Variants in RXRG observed in about 807,000 individuals in gnomAD.
RXRG encodes retinoid X receptor gamma.
In RXRG, 19 loss-of-function variants were observed where a neutral mutation model predicts 49.2. The observed-to-expected ratio is 0.39, with a 90% CI of 0.27 to 0.57. RXRG has a LOEUF of 0.57. RXRG is among the 20% of genes least tolerant of loss of function. The probability of loss-of-function intolerance (pLI) is 0.64; values close to 1 mark genes in which losing one functional copy is unlikely to be tolerated. For synonymous variants in RXRG, 224 were observed against 216.6 expected (o/e 1.03, Z -0.30); for missense variants, 452 against 592.5 (o/e 0.76, Z 2.46).
At chr1:165,439,385 C>A (rs1489083896) in intron 1 of RXRG, among the ~76,000 whole-genome samples, 1 of 152,086 alleles carries the variant, frequency 6.6e-6, no homozygotes, top group Non-Finnish European at 1.5e-5. Context: ...GAAGCAACCC[C>A]AGCTCCCACC....
intron 1 of RXRG, among the ~76,000 whole-genome samples, chr1:165,431,088 T>G (rs904175037): frequency 6.6e-6 from 1 of 152,212 alleles, no homozygotes; most frequent in Non-Finnish European, 1.5e-5. Flanking sequence ...AAAAACCATG[T>G]CCAGTTTTGT....
intron 1 of RXRG, among the ~76,000 whole-genome samples, chr1:165,437,878 G>C (rs1264691330): frequency 6.6e-6 from 1 of 152,192 alleles, no homozygotes; most frequent in Non-Finnish European, 1.5e-5. Context: ...TTTGGTGCTG[G>C]CTGGGAAAGG....
intron 2 of RXRG, among the ~76,000 whole-genome samples, chr1:165,425,673 T>A (rs534796995): frequency 6.6e-6 from 1 of 152,250 alleles, no homozygotes; most frequent in Admixed American, 6.5e-5. Flanking sequence ...GGGGGTGGCA[T>A]AAATACATGT....
chr1:165,438,961 A>G (rs1273751734), intron 1 of RXRG, among the ~76,000 whole-genome samples: 1 of 152,204 alleles, frequency 6.6e-6, no homozygotes, highest in Non-Finnish European at 1.5e-5. Flanking sequence ...GCACATTGGC[A>G]TATTAACGGG....
At chr1:165,410,571 G>T in intron 6 of RXRG, 131 bp downstream of exon 6, 1 of 1,016,516 alleles carries the variant, frequency 9.8e-7, no homozygotes, top group Non-Finnish European at 1.4e-6. Flanking sequence ...GAACAACCCC[G>T]CACAGGGTTA....
At chr1:165,404,350 T>G (rs1657676737) in intron 9 of RXRG, among the ~76,000 whole-genome samples, 1 of 152,236 alleles carries the variant, frequency 6.6e-6, no homozygotes, top group South Asian at 2.1e-4. Context: ...CAACAAGTGT[T>G]GGCCTCTCTC....
Position 165,409,601 on chromosome 1 carries a change from G to T in RXRG, c.1003C>A (p.Arg335=), listed in dbSNP as rs779244874. ...ILLATGLHVH[R]SSAHSAGVGS... ...ACCCCAGCACTGTGGGCACTGCTCC[G>T]GTGGACATGTAAACCCGTGGCCAGA... Residue 335 remains arginine, a synonymous_variant, in exon 7 of 10, where the codon CGG becomes AGG. Coordinates refer to ENST00000359842, the MANE Select transcript of RXRG (RefSeq NM_006917.5). 6.4e-7 allele frequency: 1 copy of T among 1,569,080 alleles called. No homozygotes were observed. The highest frequency in any genetic ancestry group is 2.4e-5 in the East Asian group (1 of 42,152).
chr1:165,410,018 C>T (rs905312954), intron 6 of RXRG, among the ~76,000 whole-genome samples: 5 of 152,030 alleles, frequency 3.3e-5, no homozygotes, highest in Non-Finnish European at 5.9e-5. Context: ...ATGTTAGCTG[C>T]CATGGTGGAT....
chr1:165,436,971 T>C (rs1658834628), intron 1 of RXRG: 1 of 1,133,822 alleles, frequency 8.8e-7, no homozygotes, highest in Non-Finnish European at 1.1e-6. Flanking sequence ...TTACAAGATG[T>C]CAGAGGAACG....
At chr1:165,444,773 C>G in intron 1 of RXRG, 72 bp downstream of exon 1, 1 of 1,255,532 alleles carries the variant, frequency 8.0e-7, no homozygotes, top group Non-Finnish European at 1.2e-6. Flanking sequence ...CTAATCCAGT[C>G]ATTCGTATTT....
At chr1:165,404,119 G>A (rs1023384745) in intron 9 of RXRG, among the ~76,000 whole-genome samples, 11 of 152,178 alleles carry the variant, frequency 7.2e-5, no homozygotes, top group African/African-American at 2.7e-4. Context: ...CTACCTGGCT[G>A]TGCCAGGATC....
intron 9 of RXRG, among the ~76,000 whole-genome samples, chr1:165,402,602 G>A (rs1657615887): frequency 6.6e-6 from 1 of 151,122 alleles, no homozygotes; most frequent in Admixed American, 6.6e-5. Context: ...ACTCACACAC[G>A]CACACTCACA....
chr1:165,409,506 C>T (rs1477614032), intron 7 of RXRG, 52 bp downstream of exon 7: 29 of 1,368,238 alleles, frequency 2.1e-5, no homozygotes, highest in Non-Finnish European at 2.7e-5. Context: ...CACACACACA[C>T]ACACACACAC....
At chr1:165,431,718 T>G (rs1222632329) in intron 1 of RXRG, among the ~76,000 whole-genome samples, 3 of 152,168 alleles carry the variant, frequency 2.0e-5, no homozygotes, top group Non-Finnish European at 2.9e-5. Flanking sequence ...AGGCCTAGAC[T>G]GAGGGCACAG....
chr1:165,408,383 G>T, intron 7 of RXRG, 65 bp from the exon 8 acceptor site: 2 of 1,178,370 alleles, frequency 1.7e-6, no homozygotes, highest in South Asian at 1.2e-5. Flanking sequence ...CCAATAAAAT[G>T]AATTCAACCA....
At chr1:165,406,729 T>C (rs1657763088) in intron 9 of RXRG, 83 bp downstream of exon 9, 1 of 963,950 alleles carries the variant, frequency 1.0e-6, no homozygotes, top group Non-Finnish European at 1.7e-6. Flanking sequence ...ACCTAAACAG[T>C]GCCTGCTGCA....
intron 9 of RXRG, among the ~76,000 whole-genome samples, chr1:165,402,734 A>T (rs748116712): frequency 1.4e-4 from 21 of 151,844 alleles, no homozygotes; most frequent in Non-Finnish European, 2.2e-4. Context: ...ACACACCTTC[A>T]CACACACTCA....
intron 2 of RXRG, among the ~76,000 whole-genome samples, chr1:165,422,130 C>G (rs1003905489): frequency 1.3e-5 from 2 of 152,196 alleles, no homozygotes; most frequent in Admixed American, 1.3e-4. Context: ...TCCTTCTCCT[C>G]CGACCCTCAA....
At chr1:165,410,304 T>C (rs762521524) in intron 6 of RXRG, among the ~76,000 whole-genome samples, 4 of 152,164 alleles carry the variant, frequency 2.6e-5, no homozygotes, top group Admixed American at 6.5e-5. Context: ...ATACAGCACA[T>C]AGAGTCTTAA....
Sources: gnomAD v4.1 joint callset for allele counts (sites outside exome capture counted in the v4.1 genomes callset) on GRCh38, gnomAD v4.1.1 for gene constraint, MANE v1.5 for transcripts, NCBI Gene and HGNC (gene_info 2026-07-23, HGNC 2026-07-21) for gene names.